PRDM11: variants seen among roughly 807,000 people sequenced by gnomAD.
PRDM11 encodes the protein PR domain-containing protein 11.
In PRDM11, 20 loss-of-function variants were observed where a neutral mutation model predicts 97.8. That is an observed-to-expected ratio of 0.20 (90% confidence interval 0.14 to 0.30). The LOEUF (loss-of-function observed/expected upper bound fraction) is 0.30. Among genes scored for constraint, PRDM11 ranks in the 10% least tolerant of loss-of-function variants. PRDM11 has a pLI of 1.00. For synonymous variants in PRDM11, 599 were observed against 637.7 expected (o/e 0.94, Z 0.91); for missense variants, 1,139 against 1,555.2 (o/e 0.73, Z 4.50).
At chr11:45,165,652 C>T (rs533941336) in intron 1 of PRDM11, among the ~76,000 whole-genome samples, 111 of 152,336 alleles carry the variant, frequency 7.3e-4, no homozygotes, top group African/African-American at 2.2e-3. Flanking sequence ...GGACTGCCCG[C>T]GTGGTGTTGC....
intron 2 of PRDM11, 99 bp from the exon 3 acceptor site, chr11:45,182,147 C>G (rs562027968): frequency 1.9e-6 from 2 of 1,057,520 alleles, no homozygotes; most frequent in Non-Finnish European, 2.8e-6. Context: ...CACCCCACAT[C>G]TTCTCGGTCT....
chr11:45,194,592 G>GTTTT lies in PRDM11; in HGVS notation c.487-10098_487-10095dup, dbSNP rs869144098. Among the ~76,000 whole-genome samples, 36 of 70,886 alleles carry GTTTT rather than the reference G, an allele frequency of 5.1e-4. 2 individuals carry two copies. Among genetic ancestry groups the GTTTT allele is most frequent in the African/African-American group, 1.7e-3 (34 of 20,276 alleles). 46.5% of individuals were successfully genotyped at this position (70,886 alleles called of 152,430 possible). ...TACTGTGGGATAGTTATTATCTTCT[G>GTTTT]TTTTTTTTTTTTTTTTTTTTTTTTG... is the stretch of plus-strand genomic sequence containing the variant. On this transcript the variant is annotated intron_variant, in intron 4 of 7. Transcript: ENST00000683152.
chr11:45,094,160 G>A (rs1851850618), upstream of PRDM11, among the ~76,000 whole-genome samples: 1 of 152,224 alleles, frequency 6.6e-6, no homozygotes, highest in African/African-American at 2.4e-5. Context: ...GAAGTGCCAT[G>A]CAAGTAGCTA....
intron 1 of PRDM11, among the ~76,000 whole-genome samples, chr11:45,102,532 G>A (rs950014227): frequency 2.6e-5 from 4 of 152,186 alleles, no homozygotes; most frequent in African/African-American, 9.6e-5. Context: ...CCCAGGAAGG[G>A]AGTAGAAGAG....
intron 1 of PRDM11, among the ~76,000 whole-genome samples, chr11:45,167,414 C>T (rs1241998065): frequency 6.6e-6 from 1 of 152,124 alleles, no homozygotes; most frequent in Non-Finnish European, 1.5e-5. Flanking sequence ...TTATTATTCA[C>T]AGCAAACATC....
At chr11:45,181,246 CAGGCCCT>C (rs1445093000) in intron 1 of PRDM11, among the ~76,000 whole-genome samples, 1 of 152,180 alleles carries the variant, frequency 6.6e-6, no homozygotes, top group African/African-American at 2.4e-5. Context: ...CCAGCGCCCC[CAGGCCCT>C]GCCTGTACCT....
rs1854321380 is a variant in PRDM11 at position 45,228,136 on chromosome 11, A to G, written c.3511A>G (p.Thr1171Ala). The G allele has an allele frequency of 6.6e-7, 1 of 1,526,496 alleles. No individual in the cohort carries two copies. The highest frequency in any genetic ancestry group is 8.8e-7 in the Non-Finnish European group (1 of 1,141,474). 94.6% of individuals were successfully genotyped at this position (1,526,496 alleles called of 1,614,324 possible). The part of the protein sequence containing the change: ...KPALQTMDHG[T>A]EFYPDI The stretch of plus-strand genomic sequence containing the variant: ...AGCACTACAGACCATGGACCACGGG[A>G]CGGAGTTTTACCCCGACATTTAGGG... Residue 1171 changes from threonine to alanine, a missense_variant, in exon 8 of 8, where the codon ACG becomes GCG. By Grantham distance (58) the Thr-to-Ala change is moderately conservative. Coordinates refer to ENST00000683152, the MANE Select transcript of PRDM11 (RefSeq NM_001384648.1).
chr11:45,188,139 T>C (rs888053131), intron 4 of PRDM11, among the ~76,000 whole-genome samples: 1 of 152,180 alleles, frequency 6.6e-6, no homozygotes, highest in Non-Finnish European at 1.5e-5. Flanking sequence ...TCCCTCAGTA[T>C]ATGCACTCTA....
At chr11:45,101,571 AAGAAG>A (rs1565220008) in intron 1 of PRDM11, among the ~76,000 whole-genome samples, 6,909 of 112,354 alleles carry the variant, frequency 0.061, 515 homozygotes, top group Admixed American at 0.1. Context: ...AAAAAAAAAG[AAGAAG>A]AAGAAGAAGA....
At chr11:45,160,039 C>T (rs1590392392) in intron 1 of PRDM11, among the ~76,000 whole-genome samples, 1 of 152,244 alleles carries the variant, frequency 6.6e-6, no homozygotes, top group African/African-American at 2.4e-5. Flanking sequence ...CCTCTCCCTT[C>T]TGCAGGGTCT....
Position 45,232,340 on chromosome 11 carries a change from A to AT in PRDM11, c.*4182dup, listed in dbSNP as rs1854413561. 6.6e-6 allele frequency: 1 copy of AT among 152,278 alleles called. No homozygotes were observed. The highest frequency in any genetic ancestry group is 1.5e-5 in the Non-Finnish European group (1 of 68,170). The allele number at this position is 152,278 out of a possible 1,614,324, so 9.4% of individuals were successfully genotyped here. On this transcript the variant is annotated 3_prime_UTR_variant, in exon 8 of 8. Transcript: ENST00000683152. Reference sequence around the variant, plus strand: ...TTGAAGTATAACTTCCCTCTTCTGGATCCCCCCTTTCATTTTCCTTCTACC... The same window carrying AT: ...TTGAAGTATAACTTCCCTCTTCTGGATTCCCCCCTTTCATTTTCCTTCTACC...
At chr11:45,178,503 G>T (rs1852385557) in intron 1 of PRDM11, among the ~76,000 whole-genome samples, 1 of 152,110 alleles carries the variant, frequency 6.6e-6, no homozygotes, top group Admixed American at 6.5e-5. Context: ...TACCTGCTCT[G>T]CCTGGCGGAG....
intron 1 of PRDM11, among the ~76,000 whole-genome samples, chr11:45,116,119 A>G (rs1226430724): frequency 6.6e-6 from 1 of 152,156 alleles, no homozygotes; most frequent in East Asian, 1.9e-4. Context: ...TGCCTAATAA[A>G]TCACCTTCAA....
chr11:45,213,082 G>A (rs1853823731), intron 5 of PRDM11: 1 of 453,192 alleles, frequency 2.2e-6, no homozygotes, highest in South Asian at 1.6e-5. Flanking sequence ...TCATGGAGGA[G>A]GGATGTCTGG....
chr11:45,207,401 T>C (rs1421122074), intron 5 of PRDM11, among the ~76,000 whole-genome samples: 6 of 152,192 alleles, frequency 3.9e-5, no homozygotes, highest in Non-Finnish European at 5.9e-5. Context: ...TCTGTGGTGG[T>C]TCTCAACCGA....
rs1366290570 is a variant in PRDM11 at position 45,227,003 on chromosome 11, G to T, written c.2378G>T (p.Ser793Ile). The T allele has an allele frequency of 6.5e-7, 1 of 1,533,938 alleles. No homozygotes were observed. The highest frequency in any genetic ancestry group is 8.7e-7 in the Non-Finnish European group (1 of 1,146,732). The part of the protein sequence containing the change: ...ELENNLKQLL[S>I]FYRYSPRLMC... ...GAGAACAACCTGAAGCAGCTGCTGA[G>T]CTTCTACCGCTACTCACCGCGCCTC... is the stretch of plus-strand genomic sequence containing the variant. The change falls in exon 8 of 8, where the codon AGC becomes ATC. Residue 793 changes from serine to isoleucine, a missense_variant. By Grantham distance (142) the Ser-to-Ile change is moderately radical (BLOSUM62 -2). Transcript: ENST00000683152. This position sits in a 1 kb window ranked among gnomAD's most constrained non-coding sequence, Gnocchi z 8.0.
chr11:45,229,172 A>G lies in PRDM11; in HGVS notation c.*1013A>G, dbSNP rs1296006565. 1 of 152,206 alleles carries G rather than the reference A, an allele frequency of 6.6e-6. No individual in the cohort carries two copies. Among genetic ancestry groups the G allele is most frequent in the East Asian group, 1.9e-4 (1 of 5,198 alleles). The allele number at this position is 152,206 out of a possible 1,614,324, so 9.4% of individuals were successfully genotyped here. On this transcript the variant is annotated 3_prime_UTR_variant, in exon 8 of 8. Transcript: ENST00000683152. ...TGGATTATTTATACTTTTTCTTTAT[A>G]ATCATATCATGTGTTGAGGGTATTT...
chr11:45,180,296 G>T (rs1852437068), intron 1 of PRDM11, among the ~76,000 whole-genome samples: 1 of 152,090 alleles, frequency 6.6e-6, no homozygotes, highest in Non-Finnish European at 1.5e-5. Flanking sequence ...AGTGGCAGGC[G>T]CCCCAGGCGG....
intron 1 of PRDM11, among the ~76,000 whole-genome samples, chr11:45,111,905 A>C (rs11038301): frequency 0.13 from 20,132 of 152,100 alleles, 1,527 homozygotes; most frequent in Middle Eastern, 0.22. Flanking sequence ...ATGGGAGACT[A>C]TGTCTAACAC....
Sources: allele counts gnomAD v4.1 joint callset (sites outside exome capture counted in the v4.1 genomes callset), GRCh38; gene constraint gnomAD v4.1.1; non-coding constraint Gnocchi (gnomAD v3.1); transcripts MANE v1.5; gene names NCBI Gene and HGNC (gene_info 2026-07-23, HGNC 2026-07-21).